B4GALT4: variants seen among roughly 807,000 people sequenced by gnomAD.
B4GALT4 encodes beta-1,4-galactosyltransferase 4, also known as N-acetyllactosamine synthase.
Under a neutral mutation model 37.3 loss-of-function variants are expected in B4GALT4, and 27 were observed. The ratio of observed to expected loss-of-function variants is 0.72; its 90% CI spans 0.53 to 1.00. B4GALT4 has a LOEUF of 1.00. Among genes scored for constraint, B4GALT4 ranks in the 50% least tolerant of loss-of-function variants. The probability of loss-of-function intolerance (pLI) is 0.00; values close to 1 mark genes in which losing one functional copy is unlikely to be tolerated. For synonymous variants in B4GALT4, 148 were observed against 154.1 expected (o/e 0.96, Z 0.29); for missense variants, 372 against 413.1 (o/e 0.90, Z 0.86).
chr3:119,222,315 G>A (rs1391890907), intron 5 of B4GALT4, among the ~76,000 whole-genome samples: 1 of 152,178 alleles, frequency 6.6e-6, no homozygotes, highest in Non-Finnish European at 1.5e-5. Context: ...CAATGCAGAA[G>A]TGACTCAAAG....
chr3:119,217,706 G>A (rs922294860), intron 6 of B4GALT4, among the ~76,000 whole-genome samples: 8 of 152,002 alleles, frequency 5.3e-5, no homozygotes, highest in Admixed American at 5.2e-4. Flanking sequence ...AGCCAGACAC[G>A]GCGGCACACG....
In B4GALT4 at chr3:119,226,596, A is replaced by G. The variant is rs904631236; in HGVS notation, c.486+213T>C. On this transcript the variant is annotated intron_variant, in intron 4 of 7. Coordinates refer to ENST00000393765, the MANE Select transcript of B4GALT4 (RefSeq NM_003778.4). ...CAGGCTTCCTCCAGAGGTTCCTTTAAGGGCAGTAAAATTTCCCAGAACTTG... is the reference window on the plus strand; with the variant it reads ...CAGGCTTCCTCCAGAGGTTCCTTTAGGGGCAGTAAAATTTCCCAGAACTTG... 8.9e-6 allele frequency: 5 copies of G among 563,822 alleles called. No individual in the cohort carries two copies. In the East Asian group the frequency reaches 1.5e-4, roughly 17 times the overall value. The allele number at this position is 563,822 out of a possible 1,614,324, so 34.9% of individuals were successfully genotyped here.
intron 5 of B4GALT4, among the ~76,000 whole-genome samples, chr3:119,221,194 G>A (rs1272698177): frequency 1.3e-5 from 2 of 152,158 alleles, no homozygotes; most frequent in East Asian, 3.8e-4. Context: ...ATCCTTGTAG[G>A]AAGGAGGCTG....
At chr3:119,219,543 T>C (rs2107476705) in intron 5 of B4GALT4, among the ~76,000 whole-genome samples, 1 of 152,346 alleles carries the variant, frequency 6.6e-6, no homozygotes, top group Non-Finnish European at 1.5e-5. Context: ...CGACTACAGA[T>C]ATGGCTTTGG....
At chr3:119,240,242 T>C (rs979783464) in intron 1 of B4GALT4, 1 of 142,550 alleles carries the variant, frequency 7.0e-6, no homozygotes, top group African/African-American at 2.5e-5. Flanking sequence ...ACTTTGTCTG[T>C]TTTTTTTCAA....
chr3:119,216,433 CACACACGCACAT>C (rs72331299), intron 6 of B4GALT4, 89 bp from the exon 7 acceptor site: 75,329 of 479,278 alleles, frequency 0.16, 4,146 homozygotes, highest in African/African-American at 0.29. Flanking sequence ...AATTTATACA[CACACACGCACAT>C]ACACACACAC....
chr3:119,224,043 G>T lies in B4GALT4; in HGVS notation c.674+15C>A. 3.8e-6 allele frequency: 6 copies of T among 1,597,448 alleles called. No homozygotes were observed. Among genetic ancestry groups the T allele is most frequent in the Non-Finnish European group, 5.1e-6 (6 of 1,172,610 alleles). On this transcript the variant is annotated intron_variant, in intron 5 of 7. Transcript: ENST00000393765. The stretch of plus-strand genomic sequence containing the variant: ...AGCTTCTCGACCTAAGCCACCCTCA[G>T]CAGAACCACCTTACCTGTACCCAGT...
At chr3:119,220,657 G>A (rs2078421591) in intron 5 of B4GALT4, among the ~76,000 whole-genome samples, 1 of 152,180 alleles carries the variant, frequency 6.6e-6, no homozygotes, top group Non-Finnish European at 1.5e-5. Flanking sequence ...CTGGAGAGGG[G>A]TGAGCTGGAG....
intron 1 of B4GALT4, chr3:119,240,382 G>C (rs2079117698): frequency 6.6e-6 from 1 of 152,266 alleles, no homozygotes; most frequent in Non-Finnish European, 1.5e-5. Flanking sequence ...AAGGTCAAAG[G>C]TCGCCGGCCC....
At chr3:119,215,977 A>G in intron 7 of B4GALT4, 1 of 247,802 alleles carries the variant, frequency 4.0e-6, no homozygotes, top group Non-Finnish European at 7.6e-6. Flanking sequence ...TTACACATGA[A>G]ATGCTATGAC....
chr3:119,220,671 G>A (rs1189969502), intron 5 of B4GALT4, among the ~76,000 whole-genome samples: 1 of 152,148 alleles, frequency 6.6e-6, no homozygotes, highest in African/African-American at 2.4e-5. Flanking sequence ...GCTGGAGTGG[G>A]GAGGGGCAGA....
chr3:119,236,467 TCTAAAATTAA>T (rs1035985502), intron 2 of B4GALT4, among the ~76,000 whole-genome samples: 9 of 152,162 alleles, frequency 5.9e-5, no homozygotes, highest in African/African-American at 2.2e-4. Context: ...TTTCTGTAAG[TCTAAAATTAA>T]CTAAAACTAA....
chr3:119,224,346 C>T, intron 4 of B4GALT4, 101 bp from the exon 5 acceptor site: 1 of 823,268 alleles, frequency 1.2e-6, no homozygotes, highest in Middle Eastern at 3.2e-4. Context: ...TCTAATTATT[C>T]TACGCACGAG....
chr3:119,212,714 G>A (rs764055829), intron 7 of B4GALT4, 33 bp from the exon 8 acceptor site: 3 of 1,553,784 alleles, frequency 1.9e-6, no homozygotes, highest in African/African-American at 2.8e-5. Flanking sequence ...TGAATGATAA[G>A]AATTTAACAT....
intron 4 of B4GALT4, among the ~76,000 whole-genome samples, chr3:119,224,639 A>C (rs1318556626): frequency 6.6e-6 from 1 of 152,238 alleles, no homozygotes; most frequent in African/African-American, 2.4e-5. Flanking sequence ...TAAACTGCAC[A>C]CTCAATAATA....
In B4GALT4 at chr3:119,218,703, TC is replaced by T; in HGVS notation, c.743del (p.Gly248AspfsTer25). ...CCCATCCCCAGTAGTTGTTAGAGAA[TC>T]CATTCACCTTGAAAAACTGCTCTCT... ...LSREQFFKVN[G>X]FSNNYWGWGG... On this transcript the variant is annotated frameshift_variant, in exon 6 of 8. Transcript: ENST00000393765. LOFTEE classifies it high-confidence loss of function. 6.2e-7 allele frequency: 1 copy of T among 1,614,140 alleles called. No homozygotes were observed. Among genetic ancestry groups the T allele is most frequent in the Non-Finnish European group, 8.5e-7 (1 of 1,180,010 alleles).
At chr3:119,231,667 G>A (rs1041832502) in intron 2 of B4GALT4, among the ~76,000 whole-genome samples, 53 of 146,648 alleles carry the variant, frequency 3.6e-4, no homozygotes, top group African/African-American at 1.3e-3. Flanking sequence ...TCGCTGGGGT[G>A]GTTTATTTTT....
At chr3:119,225,186 T>C (rs1053390235) in intron 4 of B4GALT4, among the ~76,000 whole-genome samples, 2 of 152,212 alleles carry the variant, frequency 1.3e-5, no homozygotes, top group Non-Finnish European at 2.9e-5. Context: ...GATTCGTCAC[T>C]GGGCAATAAA....
At chr3:119,226,513 G>A in intron 4 of B4GALT4, 1 of 404,172 alleles carries the variant, frequency 2.5e-6, no homozygotes, top group Non-Finnish European at 4.6e-6. Context: ...GAAGGGGCCA[G>A]GAAGCCTCCG....
Sources: gnomAD v4.1 joint callset for allele counts (sites outside exome capture counted in the v4.1 genomes callset) on GRCh38, gnomAD v4.1.1 for gene constraint, MANE v1.5 for transcripts, NCBI Gene and HGNC (gene_info 2026-07-23, HGNC 2026-07-21) for gene names.